The following GMPR variants were observed in gnomAD, a reference collection of about 807,000 sequenced individuals.
The protein encoded by GMPR is GMP reductase 1.
A neutral mutation model predicts 38.4 loss-of-function variants in GMPR; 31 were observed. The ratio of observed to expected loss-of-function variants is 0.81; its 90% CI spans 0.61 to 1.09. The LOEUF is 1.09. Ranked by LOEUF, GMPR falls within the 50% of genes least tolerant of loss-of-function variation. The pLI is 0.00. For synonymous variants in GMPR, 162 were observed against 173.3 expected, an observed-to-expected ratio of 0.93 and a Z score of 0.51; for missense variants, 468 against 453.7, an observed-to-expected ratio of 1.03 and a Z score of -0.29.
chr6:16,286,079 G>A (rs1372134124), intron 7 of GMPR, among the ~76,000 whole-genome samples: 1 of 152,120 alleles, frequency 6.6e-6, no homozygotes, highest in Non-Finnish European at 1.5e-5. Context: ...GTGAAGTCAC[G>A]GCCTTTTCAT....
intron 5 of GMPR, among the ~76,000 whole-genome samples, chr6:16,277,433 GGGA>G (rs1480485547): frequency 6.6e-6 from 1 of 152,220 alleles, no homozygotes; most frequent in Non-Finnish European, 1.5e-5. Flanking sequence ...TCTGGTGGGA[GGGA>G]GGAGTTCACT....
At chr6:16,278,917 G>T in intron 6 of GMPR, 27 bp downstream of exon 6, 2 of 1,432,690 alleles carry the variant, frequency 1.4e-6, no homozygotes, top group Non-Finnish European at 2.0e-6. Context: ...GGCTGAGGCT[G>T]GGGTGTCTTG....
Position 16,243,146 on chromosome 6 carries a change from G to A in GMPR, c.88-3696G>A, listed in dbSNP as rs190704022. Among the ~76,000 whole-genome samples, 11 of 152,280 alleles carry A rather than the reference G, an allele frequency of 7.2e-5. No homozygotes were observed. In the South Asian group the frequency reaches 1.7e-3, roughly 23 times the overall value. On this transcript the variant is annotated intron_variant, in intron 1 of 8. Coordinates refer to ENST00000259727, the MANE Select transcript of GMPR (RefSeq NM_006877.4). ...GGTTTGGAAAATTAAAGAGTTTGGC[G>A]CTGTTCTGAGTCATGAATGCGTTAG...
In GMPR at chr6:16,254,628, G is replaced by C. The variant is rs370707259; in HGVS notation, c.358G>C (p.Val120Leu). 3 of 1,613,516 alleles carry C rather than the reference G, an allele frequency of 1.9e-6. No homozygotes were observed. The highest frequency in any genetic ancestry group is 2.5e-6 in the Non-Finnish European group (3 of 1,179,518). The change falls in exon 4 of 9, where the codon GTG (valine) becomes CTG (leucine). Residue 120 changes from valine to leucine, a missense_variant. By Grantham distance (32) the Val-to-Leu change is conservative (BLOSUM62 1). Coordinates refer to ENST00000259727, the MANE Select transcript of GMPR (RefSeq NM_006877.4). ...LEKMTSILEAVPQVKFICLDV... is the reference protein window; with the variant it reads ...LEKMTSILEALPQVKFICLDV... ...AAAGATGACCAGCATCCTGGAAGCT[G>C]TGCCACAGGTTAAGTTTATTTGCCT...
chr6:16,257,975 C>T lies in GMPR; in HGVS notation c.465+3240C>T, dbSNP rs1759011254. The T allele has an allele frequency of 2.6e-5, 4 of 152,212 alleles. No homozygotes were observed. In the South Asian group the frequency reaches 8.3e-4, roughly 32 times the overall value. 9.4% of individuals were successfully genotyped at this position (152,212 alleles called of 1,614,324 possible). A position where few individuals can be genotyped will look rare whatever the true frequency, so the allele number is the denominator to read the frequency against. Reference sequence around the variant, plus strand: ...CAGTGTGGGCACATGAGCTGAGTCACACTGGGGAAATCGCATTCTTTCTGA... The same window carrying T: ...CAGTGTGGGCACATGAGCTGAGTCATACTGGGGAAATCGCATTCTTTCTGA... On this transcript the variant is annotated intron_variant, in intron 4 of 8. Transcript: ENST00000259727.
At chr6:16,290,711 G>A in intron 8 of GMPR, 90 bp downstream of exon 8, 1 of 1,099,750 alleles carries the variant, frequency 9.1e-7, no homozygotes. Flanking sequence ...TAGCAGCTCT[G>A]TGTATATTAA....
intron 5 of GMPR, among the ~76,000 whole-genome samples, 156 bp from the exon 6 acceptor site, chr6:16,278,628 C>T (rs371385850): frequency 8.5e-5 from 13 of 152,306 alleles, no homozygotes; most frequent in Non-Finnish European, 1.6e-4. Context: ...TGACCTCCAT[C>T]GTGCAGATGG....
chr6:16,247,824 C>A (rs1758789625), intron 2 of GMPR, among the ~76,000 whole-genome samples: 1 of 152,188 alleles, frequency 6.6e-6, no homozygotes, highest in South Asian at 2.1e-4. Context: ...CTGAAACTGA[C>A]TCTAGAATCT....
At chr6:16,289,221 C>G (rs77530971) in intron 7 of GMPR, among the ~76,000 whole-genome samples, 2,059 of 152,318 alleles carry the variant, frequency 0.014, 19 homozygotes, top group Middle Eastern at 0.024. Context: ...GAAAAAGCCT[C>G]AGCCGCGCCA....
At chr6:16,286,803 G>T (rs1051731615) in intron 7 of GMPR, among the ~76,000 whole-genome samples, 1 of 152,060 alleles carries the variant, frequency 6.6e-6, no homozygotes, top group African/African-American at 2.4e-5. Flanking sequence ...CTACTCAGGA[G>T]GCCAAGGTGG....
At chr6:16,253,617 G>GC (rs375353026) in intron 3 of GMPR, among the ~76,000 whole-genome samples, 2 of 107,224 alleles carry the variant, frequency 1.9e-5, no homozygotes, top group African/African-American at 9.9e-5. Flanking sequence ...CACCTCCACT[G>GC]GGGGGGGGTC....
At chr6:16,263,756 G>T (rs1410121353) in intron 4 of GMPR, among the ~76,000 whole-genome samples, 1 of 136,604 alleles carries the variant, frequency 7.3e-6, no homozygotes, top group Admixed American at 7.4e-5. Context: ...TAAGAGGTCA[G>T]GGCACAGAAA....
chr6:16,247,791 CAG>C (rs10600676), intron 2 of GMPR, among the ~76,000 whole-genome samples: 50,820 of 151,904 alleles, frequency 0.33, 9,184 homozygotes, highest in East Asian at 0.7. Context: ...CAGATGTATA[CAG>C]AGAGAGAATC....
intron 6 of GMPR, among the ~76,000 whole-genome samples, chr6:16,279,152 T>C (rs548310801): frequency 6.6e-6 from 1 of 152,276 alleles, no homozygotes; most frequent in South Asian, 2.1e-4. Context: ...GAGCACAGGG[T>C]AGGCCAGGCC....
rs763309526 is a variant in GMPR, at chr6:16,290,559, C to T, written c.795C>T (p.Leu265=). 3.7e-6 allele frequency: 6 copies of T among 1,614,134 alleles called. No individual in the cohort carries two copies. Among genetic ancestry groups the T allele is most frequent in the Non-Finnish European group, 5.1e-6 (6 of 1,180,006 alleles). The change falls in exon 8 of 9, where the codon CTC becomes CTT. Residue 265 remains leucine, a synonymous_variant. Coordinates refer to ENST00000259727, the MANE Select transcript of GMPR (RefSeq NM_006877.4). ...AGAGGAACGGACGGAAGCTCAAGCT[C>T]TTCTACGGGATGAGCTCTGACACCG... is the stretch of plus-strand genomic sequence containing the variant. ...VFERNGRKLK[L]FYGMSSDTAM... is the part of the protein sequence containing the mutation.
At chr6:16,266,998 C>A (rs766442981) in intron 4 of GMPR, among the ~76,000 whole-genome samples, 8 of 151,622 alleles carry the variant, frequency 5.3e-5, no homozygotes, top group Admixed American at 5.2e-4. Flanking sequence ...ACGAACAACT[C>A]TGGGTGCGCC....
Position 16,295,093 on chromosome 6 carries a change from G to A in GMPR, c.945G>A (p.Thr315=), listed in dbSNP as rs368447687. The change falls in exon 9 of 9, where the codon ACG becomes ACA. Residue 315 remains threonine (T), a synonymous_variant. Coordinates refer to ENST00000259727, the MANE Select transcript of GMPR (RefSeq NM_006877.4). ...ATATTCTCGGGGGACTGAGGTCCAC[G>A]TGCACCTACGTGGGGGCCGCCAAAC... The part of the protein sequence containing the change: ...ILDILGGLRS[T]CTYVGAAKLK... 39 of 1,589,016 alleles carry A rather than the reference G, an allele frequency of 2.5e-5. No homozygotes were observed. The highest frequency in any genetic ancestry group is 6.9e-5 in the East Asian group (3 of 43,506).
intron 7 of GMPR, among the ~76,000 whole-genome samples, chr6:16,286,729 C>T (rs1240542872): frequency 6.6e-6 from 1 of 151,302 alleles, no homozygotes. Flanking sequence ...TGGACAATAC[C>T]CCATCTCTAC....
At chr6:16,266,113 TTTAAGAGCTGTAACACTTGCCATC>T (rs1277833843) in intron 4 of GMPR, among the ~76,000 whole-genome samples, 5 of 67,440 alleles carry the variant, frequency 7.4e-5, no homozygotes, top group Non-Finnish European at 1.0e-4. Context: ...ACTTGCCATC[TTTAAGAGCTGTAACACTTGCCATC>T]TTTAAGAGCT....
Sources: gnomAD v4.1 joint callset for allele counts (sites outside exome capture counted in the v4.1 genomes callset) on GRCh38, gnomAD v4.1.1 for gene constraint, MANE v1.5 for transcripts, NCBI Gene and HGNC (gene_info 2026-07-23, HGNC 2026-07-21) for gene names.